The following MAP2 variants were observed in gnomAD, a reference collection of about 807,000 sequenced individuals.
MAP2 encodes microtubule-associated protein 2.
Under a neutral mutation model 137.6 loss-of-function variants are expected in MAP2, and 14 were observed. The ratio of observed to expected loss-of-function variants is 0.10; its 90% CI spans 0.07 to 0.16. The LOEUF is 0.16. MAP2 is among the 10% of genes least tolerant of loss of function. The probability of loss-of-function intolerance (pLI) is 1.00; values close to 1 mark genes in which losing one functional copy is unlikely to be tolerated. For missense variants in MAP2, 2,088 were observed against 2,191.5 expected (o/e 0.95, Z 0.94); for synonymous variants, 786 against 782.3 (o/e 1.00, Z -0.08).
intron 3 of MAP2, among the ~76,000 whole-genome samples, chr2:209,601,491 C>G (rs1451881579): frequency 1.3e-5 from 2 of 152,068 alleles, no homozygotes; most frequent in Non-Finnish European, 2.9e-5. Flanking sequence ...ACATGGAAAA[C>G]ATAGCTTTAA....
chr2:209,689,562 G>A (rs1341082634), intron 7 of MAP2, among the ~76,000 whole-genome samples: 3 of 152,050 alleles, frequency 2.0e-5, no homozygotes, highest in African/African-American at 4.8e-5. Flanking sequence ...AAACAAATTA[G>A]TGCAATAACT....
At chr2:209,447,185 C>T (rs1328466932) in intron 1 of MAP2, among the ~76,000 whole-genome samples, 1 of 151,950 alleles carries the variant, frequency 6.6e-6, no homozygotes, top group Non-Finnish European at 1.5e-5. Context: ...CTAAAACATC[C>T]TTTTTGTTCA....
intron 1 of MAP2, among the ~76,000 whole-genome samples, chr2:209,445,100 G>C (rs1435871406): frequency 6.6e-6 from 1 of 151,462 alleles, no homozygotes; most frequent in East Asian, 1.9e-4. Context: ...CTCAGATTTT[G>C]ATTTAGAATC....
intron 2 of MAP2, among the ~76,000 whole-genome samples, chr2:209,545,181 C>CT (rs973949804): frequency 6.6e-6 from 1 of 152,138 alleles, no homozygotes; most frequent in East Asian, 1.9e-4. Context: ...TGCTCTACCA[C>CT]TTACTGAAGG....
chr2:209,465,658 G>A (rs1465789585), intron 1 of MAP2, among the ~76,000 whole-genome samples: 1 of 151,938 alleles, frequency 6.6e-6, no homozygotes, highest in Admixed American at 6.6e-5. Flanking sequence ...TAACCACTTG[G>A]CATTTAACTT....
Position 209,695,454 on chromosome 2 carries a change from A to T in MAP2, c.3284A>T (p.Glu1095Val). ...GAGGCAGATGCATTTATGGGTGTTG[A>T]GTCTGGCCACATGAAAGAAGGCACT... Reference protein sequence around the residue: ...PQEADAFMGVESGHMKEGTKV... With the variant: ...PQEADAFMGVVSGHMKEGTKV... Residue 1095 changes from glutamate (E) to valine (V), a missense_variant, in exon 8 of 16, where the codon GAG becomes GTG. By Grantham distance (121) the Glu-to-Val change is moderately radical (BLOSUM62 -2). Around this residue, in one of 6 missense-constraint regions of MAP2, gnomAD observed 500 missense variants for 482.9 expected, o/e 1.04. Transcript: ENST00000682079. 6.2e-7 allele frequency: 1 copy of T among 1,614,070 alleles called. No homozygotes were observed. Among genetic ancestry groups the T allele is most frequent in the African/African-American group, 1.3e-5 (1 of 75,038 alleles).
chr2:209,710,465 G>T, intron 13 of MAP2: 3 of 505,716 alleles, frequency 5.9e-6, no homozygotes, highest in Non-Finnish European at 1.0e-5. Flanking sequence ...GTTTGTTACT[G>T]GGTAAAAATT....
intron 1 of MAP2, among the ~76,000 whole-genome samples, chr2:209,438,094 C>T (rs1696806227): frequency 6.6e-6 from 1 of 151,308 alleles, no homozygotes; most frequent in Non-Finnish European, 1.5e-5. Context: ...TAAAGTATCT[C>T]GAATATTAGC....
chr2:209,596,014 T>C (rs2153448233), intron 3 of MAP2, among the ~76,000 whole-genome samples: 1 of 152,216 alleles, frequency 6.6e-6, no homozygotes, highest in African/African-American at 2.4e-5. Flanking sequence ...AAATGACAAG[T>C]TAATGGGTGC....
chr2:209,545,670 CA>C (rs1347017113), intron 2 of MAP2, among the ~76,000 whole-genome samples: 4 of 152,070 alleles, frequency 2.6e-5, no homozygotes, highest in Non-Finnish European at 5.9e-5. Context: ...AAAATTGCTG[CA>C]GTATTTTTTT....
At chr2:209,425,392 A>T (rs1185437874) in intron 1 of MAP2, among the ~76,000 whole-genome samples, 1 of 152,188 alleles carries the variant, frequency 6.6e-6, no homozygotes, top group African/African-American at 2.4e-5. Flanking sequence ...TATACATGTT[A>T]CAAAAGGAAA....
At chr2:209,702,727 G>C (rs569558129) in intron 11 of MAP2, among the ~76,000 whole-genome samples, 1 of 151,780 alleles carries the variant, frequency 6.6e-6, no homozygotes, top group Non-Finnish European at 1.5e-5. Flanking sequence ...TCACTCTTTT[G>C]TGGGTAGGAT....
intron 1 of MAP2, among the ~76,000 whole-genome samples, chr2:209,501,046 A>G (rs1178002154): frequency 1.3e-5 from 2 of 151,620 alleles, no homozygotes; most frequent in Admixed American, 6.6e-5. Flanking sequence ...TCAAAAAAAA[A>G]AAAAAAAGCC....
intron 1 of MAP2, among the ~76,000 whole-genome samples, chr2:209,490,983 T>C (rs1188030856): frequency 6.6e-6 from 1 of 152,084 alleles, no homozygotes; most frequent in Non-Finnish European, 1.5e-5. Flanking sequence ...CCACCCCAAA[T>C]CAACTGAATA....
chr2:209,603,841 A>G (rs749874327), intron 3 of MAP2, among the ~76,000 whole-genome samples: 1 of 152,172 alleles, frequency 6.6e-6, no homozygotes, highest in Non-Finnish European at 1.5e-5. Context: ...TGATCTAACT[A>G]TCTAAGGGCT....
chr2:209,726,644 G>C (rs747754601), intron 14 of MAP2, among the ~76,000 whole-genome samples: 1 of 152,136 alleles, frequency 6.6e-6, no homozygotes, highest in Non-Finnish European at 1.5e-5. Flanking sequence ...CATGCTTGTA[G>C]TCCTAGCTAC....
intron 3 of MAP2, among the ~76,000 whole-genome samples, chr2:209,593,400 G>C (rs1368780224): frequency 6.7e-6 from 1 of 149,978 alleles, no homozygotes; most frequent in Non-Finnish European, 1.5e-5. Flanking sequence ...GGTCGCTGTT[G>C]TAAGTTCCTT....
chr2:209,678,121 G>A (rs1042598460), intron 5 of MAP2, among the ~76,000 whole-genome samples: 1 of 151,766 alleles, frequency 6.6e-6, no homozygotes, highest in Non-Finnish European at 1.5e-5. Flanking sequence ...TGTTTTACTA[G>A]GTATAAAGAA....
At position 209,730,235 on chromosome 2, in the gene MAP2, T is replaced by C. The variant is rs146470554; in HGVS notation, c.5322T>C (p.His1774=). 1.2e-6 allele frequency: 2 copies of C among 1,613,958 alleles called. No individual in the cohort carries two copies. The highest frequency in any genetic ancestry group is 2.7e-5 in the African/African-American group (2 of 74,904). The change falls in exon 16 of 16, where the codon CAT becomes CAC. Residue 1774 remains histidine, a synonymous_variant. Coordinates refer to ENST00000682079, the MANE Select transcript of MAP2 (RefSeq NM_001375505.1). ...FREHAKARVD[H]GAEIITQSPG... is the part of the protein sequence containing the mutation. ...AGCATGCTAAAGCCCGTGTGGACCA[T>C]GGGGCTGAGATCATTACACAGTCCC...
Sources: gnomAD v4.1 joint callset for allele counts (sites outside exome capture counted in the v4.1 genomes callset) on GRCh38, gnomAD v4.1.1 for gene constraint, gnomAD v4.1.1 regional missense constraint, MANE v1.5 for transcripts, NCBI Gene and HGNC (gene_info 2026-07-23, HGNC 2026-07-21) for gene names.